Variants in TMEM245 observed in about 807,000 individuals in gnomAD.
TMEM245 encodes the protein protein CG-2.
In TMEM245, 69 loss-of-function variants were observed where a neutral mutation model predicts 101.2. The ratio of observed to expected loss-of-function variants is 0.68; its 90% CI spans 0.56 to 0.83. The LOEUF is 0.83. Among genes scored for constraint, TMEM245 ranks in the 40% least tolerant of loss-of-function variants. TMEM245 has a pLI of 0.00. For missense variants in TMEM245, 1,075 were observed against 1,092.8 expected (o/e 0.98, Z 0.23); for synonymous variants, 537 against 449.8 (o/e 1.19, Z -2.45).
At chr9:109,096,689 A>G (rs1425772775) in intron 3 of TMEM245, among the ~76,000 whole-genome samples, 2 of 152,248 alleles carry the variant, frequency 1.3e-5, no homozygotes, top group Non-Finnish European at 2.9e-5. Context: ...AAAGACCTTC[A>G]GGTCAAAAAT....
At chr9:109,030,634 A>T (rs1046060922) in intron 17 of TMEM245, among the ~76,000 whole-genome samples, 1 of 152,206 alleles carries the variant, frequency 6.6e-6, no homozygotes, top group Non-Finnish European at 1.5e-5. Flanking sequence ...CAGGTATCTG[A>T]GCACTTGTCT....
rs1564185702 is a variant in TMEM245 at position 109,060,365 on chromosome 9, AAG to A, written c.1709_1710del (p.Ser570LeufsTer24). ...VLELWDRLYH[S>X]WFVKNVTHSG... The stretch of plus-strand genomic sequence containing the variant: ...CTAAAATAACTTACCTTTACAAACC[AAG>A]AGTGATACAGTCTGTCCCAAAGTTC... On this transcript the variant is annotated frameshift_variant, in exon 11 of 18. Coordinates refer to ENST00000374586, the MANE Select transcript of TMEM245 (RefSeq NM_032012.4). LOFTEE classifies it high-confidence loss of function. The A allele has an allele frequency of 8.1e-6, 13 of 1,611,998 alleles. No homozygotes were observed. Among genetic ancestry groups the A allele is most frequent in the Non-Finnish European group, 1.1e-5 (13 of 1,179,128 alleles).
Position 109,020,391 on chromosome 9 carries a change from G to A in TMEM245, c.*69C>T. 6.7e-7 allele frequency: 1 copy of A among 1,485,294 alleles called. No individual in the cohort carries two copies. Among genetic ancestry groups the A allele is most frequent in the African/African-American group, 1.4e-5 (1 of 72,476 alleles). 92.0% of individuals were successfully genotyped at this position (1,485,294 alleles called of 1,614,324 possible). On this transcript the variant is annotated 3_prime_UTR_variant, in exon 18 of 18. Coordinates refer to ENST00000374586, the MANE Select transcript of TMEM245 (RefSeq NM_032012.4). ...GCTAGGCACAGCTGGAAGGGCAGAG[G>A]GCCACAGCTGAGCTGAACTCGCTGT...
intron 17 of TMEM245, among the ~76,000 whole-genome samples, chr9:109,024,592 T>A (rs555771435): frequency 1.5e-4 from 23 of 152,328 alleles, no homozygotes; most frequent in African/African-American, 5.3e-4. Flanking sequence ...AGCAAGGACT[T>A]CTTACCTAGT....
At chr9:109,026,150 G>A (rs1827783980) in intron 17 of TMEM245, among the ~76,000 whole-genome samples, 1 of 152,192 alleles carries the variant, frequency 6.6e-6, no homozygotes, top group East Asian at 1.9e-4. Flanking sequence ...TAGGAATTGA[G>A]CATTCTGAGT....
intron 1 of TMEM245, among the ~76,000 whole-genome samples, chr9:109,115,683 T>C (rs10816771): frequency 0.77 from 115,639 of 151,002 alleles, 44,446 homozygotes; most frequent in Admixed American, 0.8. Flanking sequence ...GAGTCGGCCG[T>C]CACACCCGGC....
intron 14 of TMEM245, among the ~76,000 whole-genome samples, chr9:109,044,385 G>A (rs1337848446): frequency 2.6e-5 from 4 of 152,182 alleles, no homozygotes; most frequent in African/African-American, 9.7e-5. Flanking sequence ...CCACAGCTGA[G>A]TAAGAATTAC....
Position 109,091,074 on chromosome 9 carries a change from G to T in TMEM245, c.998C>A (p.Pro333His). ...TTCAGGCCTTCGTCTGCCCAGAGTAGGTGAAGGGGAAGTGGGTGAAGGGGA... is the reference window on the plus strand; with the variant it reads ...TTCAGGCCTTCGTCTGCCCAGAGTATGTGAAGGGGAAGTGGGTGAAGGGGA... The part of the protein sequence containing the change: ...PSSPSPTSPS[P>H]TLGRRRPEIG... The change falls in exon 5 of 18, where the codon CCT (proline) becomes CAT (histidine). Residue 333 changes from proline to histidine, a missense_variant. Physicochemically the swap from Pro to His is moderately conservative, Grantham distance 77 (BLOSUM62 -2). This residue lies in a region of TMEM245 where 808 missense variants were observed against 741.5 expected (regional missense o/e 1.09). Coordinates refer to ENST00000374586, the MANE Select transcript of TMEM245 (RefSeq NM_032012.4). 4.3e-6 allele frequency: 7 copies of T among 1,614,146 alleles called. No individual in the cohort carries two copies. Among genetic ancestry groups the T allele is most frequent in the Non-Finnish European group, 5.9e-6 (7 of 1,180,034 alleles).
chr9:109,024,753 A>C (rs1405753369), intron 17 of TMEM245, among the ~76,000 whole-genome samples: 2 of 152,224 alleles, frequency 1.3e-5, no homozygotes. Context: ...AGTTCAATAC[A>C]GCTGAAAAAT....
At chr9:109,076,568 A>T (rs924886035) in intron 8 of TMEM245, among the ~76,000 whole-genome samples, 2 of 152,214 alleles carry the variant, frequency 1.3e-5, no homozygotes, top group Non-Finnish European at 2.9e-5. Flanking sequence ...AAATTATTAA[A>T]GGCTTTAACT....
At chr9:109,051,668 G>A (rs559683725) in intron 12 of TMEM245, among the ~76,000 whole-genome samples, 1 of 152,144 alleles carries the variant, frequency 6.6e-6, no homozygotes, top group African/African-American at 2.4e-5. Context: ...ATTGCATTTT[G>A]TGGCCCATCA....
In TMEM245 at chr9:109,108,593, C is replaced by T. The variant is rs771457554; in HGVS notation, c.580-23G>A. 2.6e-6 allele frequency: 4 copies of T among 1,519,746 alleles called. No individual in the cohort carries two copies. The Admixed American group carries it at 7.7e-5, about 29-fold the overall frequency. The allele number at this position is 1,519,746 out of a possible 1,614,324, so 94.1% of individuals were successfully genotyped here. The stretch of plus-strand genomic sequence containing the variant: ...GATCTTAAATAAATGAAAGACACAG[C>T]TGTAAAATCTATACACGTGAAAATG... On this transcript the variant is annotated intron_variant, in intron 1 of 17. Transcript: ENST00000374586.
At chr9:109,050,031 A>G (rs991515905) in intron 14 of TMEM245, among the ~76,000 whole-genome samples, 1 of 152,170 alleles carries the variant, frequency 6.6e-6, no homozygotes, top group Non-Finnish European at 1.5e-5. Flanking sequence ...GCCTCAAGCA[A>G]TCTTCCTGCC....
At chr9:109,076,489 C>T (rs1829509753) in intron 8 of TMEM245, among the ~76,000 whole-genome samples, 2 of 151,882 alleles carry the variant, frequency 1.3e-5, no homozygotes, top group South Asian at 2.1e-4. Context: ...ATGTAACAAA[C>T]CTGCACGTTG....
intron 10 of TMEM245, 59 bp from the exon 11 acceptor site, chr9:109,060,511 T>A: frequency 8.7e-7 from 1 of 1,148,422 alleles, no homozygotes. Flanking sequence ...AGAGTAAAAT[T>A]AATATATGCT....
At chr9:109,115,906 A>T (rs574781277) in intron 1 of TMEM245, among the ~76,000 whole-genome samples, 1 of 152,320 alleles carries the variant, frequency 6.6e-6, no homozygotes, top group East Asian at 1.9e-4. Flanking sequence ...GTTACTACAG[A>T]GTTTTGATAA....
At chr9:109,077,358 C>T (rs1255879925) in intron 8 of TMEM245, among the ~76,000 whole-genome samples, 1 of 152,040 alleles carries the variant, frequency 6.6e-6, no homozygotes, top group African/African-American at 2.4e-5. Context: ...TGTCATGTTG[C>T]CTAGGTTGGT....
chr9:109,038,773 C>T (rs1828215311), intron 14 of TMEM245: 1 of 152,166 alleles, frequency 6.6e-6, no homozygotes, highest in Non-Finnish European at 1.5e-5. Flanking sequence ...TAAAAACAGA[C>T]ACATATATTT....
intron 3 of TMEM245, among the ~76,000 whole-genome samples, chr9:109,101,461 C>T (rs145237913): frequency 6.6e-6 from 1 of 152,088 alleles, no homozygotes; most frequent in African/African-American, 2.4e-5. Context: ...CCATTACACA[C>T]CAGATGGTTT....
Sources: allele counts gnomAD v4.1 joint callset (sites outside exome capture counted in the v4.1 genomes callset), GRCh38; gene constraint gnomAD v4.1.1; regional missense constraint gnomAD v4.1.1; transcripts MANE v1.5; gene names NCBI Gene and HGNC (gene_info 2026-07-23, HGNC 2026-07-21).